ENTREP1: variants seen among roughly 807,000 people sequenced by gnomAD.
ENTREP1 encodes the protein endosomal transmembrane epsin interactor 1, also known as Friedreich ataxia region gene X123.
At chr9:69,339,536 A>G in the ENTREP1 span, among the ~76,000 whole-genome samples, 1 of 152,034 alleles carries the variant, frequency 6.6e-6, no homozygotes, top group East Asian at 1.9e-4. Flanking sequence ...CCCTCCCTTA[A>G]TGGATATTTT....
the ENTREP1 span, among the ~76,000 whole-genome samples, chr9:69,350,773 CA>C: frequency 0.015 from 2,320 of 152,116 alleles, 59 homozygotes; most frequent in African/African-American, 0.053. Context: ...ATTTTTCTTC[CA>C]AAAAATGAAG....
At chr9:69,344,718 A>C in the ENTREP1 span, among the ~76,000 whole-genome samples, 2 of 152,178 alleles carry the variant, frequency 1.3e-5, no homozygotes, top group Non-Finnish European at 2.9e-5. Context: ...CTGTGGATGC[A>C]CTGTAGCCCT....
At chr9:69,386,546 C>A in the ENTREP1 span, 1 of 152,124 alleles carries the variant, frequency 6.6e-6, no homozygotes, top group African/African-American at 2.4e-5. Flanking sequence ...CTCTAAATAT[C>A]TCTTCATTGT....
chr9:69,374,418 G>A, the ENTREP1 span, among the ~76,000 whole-genome samples: 4 of 152,068 alleles, frequency 2.6e-5, no homozygotes, highest in African/African-American at 9.7e-5. Context: ...TTTCCAAAGT[G>A]GTTGGGGAAG....
chr9:69,373,099 A>G, the ENTREP1 span, among the ~76,000 whole-genome samples: 3 of 152,124 alleles, frequency 2.0e-5, no homozygotes, highest in Non-Finnish European at 4.4e-5. Context: ...ATATACCACA[A>G]AACCAACACT....
the ENTREP1 span, chr9:69,329,463 A>G: frequency 1.0e-6 from 1 of 983,618 alleles, no homozygotes; most frequent in Non-Finnish European, 1.2e-6. Flanking sequence ...TATTTTATCT[A>G]TTTTAAAAAA....
the ENTREP1 span, chr9:69,383,763 C>G: frequency 1.9e-6 from 3 of 1,614,030 alleles, no homozygotes. Context: ...GGAGCAGGTA[C>G]TGTCTGTCCT....
At chr9:69,372,189 G>T in the ENTREP1 span, among the ~76,000 whole-genome samples, 1 of 151,932 alleles carries the variant, frequency 6.6e-6, no homozygotes, top group Admixed American at 6.6e-5. Context: ...AAATTTTATT[G>T]TGGTAAAATA....
At chr9:69,355,186 T>C in the ENTREP1 span, among the ~76,000 whole-genome samples, 2 of 152,220 alleles carry the variant, frequency 1.3e-5, no homozygotes, top group Non-Finnish European at 1.5e-5. Flanking sequence ...TTATCTCACT[T>C]CACACCTCTT....
chr9:69,389,162 G>A, the ENTREP1 span, among the ~76,000 whole-genome samples: 2 of 152,048 alleles, frequency 1.3e-5, no homozygotes, highest in African/African-American at 2.4e-5. Flanking sequence ...TCCCTTTTAG[G>A]TGTTGGCTTC....
chr9:69,378,418 C>T, the ENTREP1 span, among the ~76,000 whole-genome samples: 12 of 152,210 alleles, frequency 7.9e-5, no homozygotes, highest in South Asian at 4.1e-4. Context: ...AGTGAAATGC[C>T]GCATACATCT....
chr9:69,339,080 C>T, the ENTREP1 span, among the ~76,000 whole-genome samples: 43 of 151,986 alleles, frequency 2.8e-4, no homozygotes, highest in South Asian at 1.0e-3. Flanking sequence ...AGTGTGGTGG[C>T]GTGATCACTG....
chr9:69,348,262 G>A, the ENTREP1 span, among the ~76,000 whole-genome samples: 2 of 152,066 alleles, frequency 1.3e-5, no homozygotes, highest in Non-Finnish European at 2.9e-5. Context: ...ATAGGCATGT[G>A]CCACCATGCC....
the ENTREP1 span, among the ~76,000 whole-genome samples, chr9:69,372,695 T>C: frequency 1.3e-5 from 2 of 152,232 alleles, no homozygotes; most frequent in African/African-American, 4.8e-5. Flanking sequence ...CTTTTGGATA[T>C]ATAACCAGAA....
At chr9:69,358,474 A>G in the ENTREP1 span, among the ~76,000 whole-genome samples, 1 of 152,306 alleles carries the variant, frequency 6.6e-6, no homozygotes, top group South Asian at 2.1e-4. Context: ...TTCTTGTTTC[A>G]GATTTTCTAC....
the ENTREP1 span, among the ~76,000 whole-genome samples, chr9:69,343,048 T>C: frequency 6.6e-6 from 1 of 152,232 alleles, no homozygotes; most frequent in African/African-American, 2.4e-5. Flanking sequence ...AATTAGTGGG[T>C]TTAGTTTGGT....
At chr9:69,331,449 A>T in the ENTREP1 span, among the ~76,000 whole-genome samples, 3 of 152,238 alleles carry the variant, frequency 2.0e-5, no homozygotes, top group Non-Finnish European at 4.4e-5. Flanking sequence ...AGTCTCAGAA[A>T]AAAGGAAAGC....
At chr9:69,388,871 C>T in the ENTREP1 span, among the ~76,000 whole-genome samples, 3 of 152,062 alleles carry the variant, frequency 2.0e-5, no homozygotes, top group African/African-American at 7.3e-5. Context: ...TTCTAAGAGG[C>T]TGTTCACATT....
chr9:69,378,538 C>T, the ENTREP1 span, among the ~76,000 whole-genome samples: 164 of 152,064 alleles, frequency 1.1e-3, 1 homozygote, highest in African/African-American at 3.9e-3. Context: ...GAGGCTGAGG[C>T]GGGCAGATCA....
Sources: gnomAD v4.1 joint callset for allele counts (sites outside exome capture counted in the v4.1 genomes callset) on GRCh38, gnomAD v4.1.1 for gene constraint, MANE v1.5 for transcripts, NCBI Gene and HGNC (gene_info 2026-07-23, HGNC 2026-07-21) for gene names.